Variants in MDN1 observed in about 807,000 individuals in gnomAD.
MDN1 encodes the protein midasin.
MDN1 carries 266 observed loss-of-function variants against 669.2 expected under a neutral mutation model. The ratio of observed to expected loss-of-function variants is 0.40; its 90% CI spans 0.36 to 0.44. The LOEUF (loss-of-function observed/expected upper bound fraction) is 0.44. Among genes scored for constraint, MDN1 ranks in the 20% least tolerant of loss-of-function variants. The pLI is 1.00. For synonymous variants in MDN1, 2,385 were observed against 2,457.1 expected (o/e 0.97, Z 0.87); for missense variants, 5,940 against 6,754.0 (o/e 0.88, Z 4.22).
intron 12 of MDN1, among the ~76,000 whole-genome samples, chr6:89,775,572 G>A (rs781686248): frequency 1.1e-4 from 17 of 152,100 alleles, no homozygotes; most frequent in South Asian, 1.0e-3. Context: ...CCCAAAATAC[G>A]TATTTTGACA....
chr6:89,650,322 G>T, intron 96 of MDN1, 124 bp from the exon 97 acceptor site: 1 of 891,468 alleles, frequency 1.1e-6, no homozygotes, highest in Non-Finnish European at 1.7e-6. Context: ...CTGGCACAAT[G>T]AAGTGTTTCT....
intron 72 of MDN1, among the ~76,000 whole-genome samples, 153 bp downstream of exon 72, chr6:89,683,678 T>G (rs1471147650): frequency 6.6e-6 from 1 of 152,156 alleles, no homozygotes; most frequent in Non-Finnish European, 1.5e-5. Context: ...GGGGGTGGTG[T>G]TGAAAGCAAC....
intron 33 of MDN1, among the ~76,000 whole-genome samples, chr6:89,737,920 C>G (rs767721852): frequency 1.3e-5 from 2 of 152,072 alleles, no homozygotes; most frequent in African/African-American, 4.8e-5. Flanking sequence ...GATGGGTTTT[C>G]GCCATGTTGG....
At chr6:89,755,318 C>A (rs867926200) in intron 20 of MDN1, among the ~76,000 whole-genome samples, 1 of 147,764 alleles carries the variant, frequency 6.8e-6, no homozygotes, top group African/African-American at 2.5e-5. Flanking sequence ...CTAAGGCTGG[C>A]GTATCACTTG....
chr6:89,748,384 ATG>A (rs1816773032), intron 26 of MDN1, among the ~76,000 whole-genome samples: 1 of 152,212 alleles, frequency 6.6e-6, no homozygotes, highest in African/African-American at 2.4e-5. Flanking sequence ...TAGTGAAACA[ATG>A]TGGAACCATA....
chr6:89,808,732 A>G (rs1260911769), intron 1 of MDN1, among the ~76,000 whole-genome samples: 3 of 152,152 alleles, frequency 2.0e-5, no homozygotes, highest in Non-Finnish European at 2.9e-5. Flanking sequence ...AGTCAGTCCT[A>G]TAAGTGATTC....
At position 89,650,140 on chromosome 6, in the gene MDN1, T is replaced by G. The variant is rs1584082788; in HGVS notation, c.16090A>C (p.Ser5364Arg). 1 of 1,614,212 alleles carries G rather than the reference T, an allele frequency of 6.2e-7. No homozygotes were observed. Among genetic ancestry groups the G allele is most frequent in the Non-Finnish European group, 8.5e-7 (1 of 1,180,042 alleles). Residue 5364 changes from serine to arginine, a missense_variant, in exon 97 of 102, where the codon AGT becomes CGT. Ser to Arg is a moderately radical substitution (Grantham distance 110, BLOSUM62 -1). Around this residue, in one of 5 missense-constraint regions of MDN1, gnomAD observed 2,280 missense variants for 2,576.3 expected, o/e 0.88. Coordinates refer to ENST00000369393, the MANE Select transcript of MDN1 (RefSeq NM_014611.3). ...NIRKVIPYIASQFRKDKIWLR... is the reference protein window; with the variant it reads ...NIRKVIPYIARQFRKDKIWLR... ...CAAATCTTGTCTTTCCGAAATTGAC[T>G]AGCAATGTATGGAATGACTTTCCGT...
intron 18 of MDN1, 76 bp from the exon 19 acceptor site, chr6:89,758,427 T>C: frequency 8.4e-7 from 1 of 1,187,324 alleles, no homozygotes; most frequent in Non-Finnish European, 1.2e-6. Context: ...CCAGCCAGCC[T>C]GATGCTGGCT....
intron 101 of MDN1, 130 bp downstream of exon 101, chr6:89,644,885 C>T: frequency 2.0e-6 from 2 of 1,004,720 alleles, no homozygotes; most frequent in East Asian, 4.9e-5. Flanking sequence ...TACAATGGTA[C>T]TTGACAGAAT....
intron 3 of MDN1, 44 bp downstream of exon 3, chr6:89,794,533 C>T: frequency 6.4e-7 from 1 of 1,553,132 alleles, no homozygotes; most frequent in Non-Finnish European, 8.9e-7. Context: ...ATGCCCTGTA[C>T]CATCCCCACA....
intron 73 of MDN1, among the ~76,000 whole-genome samples, chr6:89,682,437 G>A (rs564429455): frequency 2.1e-4 from 32 of 152,212 alleles, no homozygotes; most frequent in African/African-American, 4.6e-4. Context: ...GGCCAGGAGC[G>A]GTGGCTCCCG....
At position 89,650,056 on chromosome 6, in the gene MDN1, A is replaced by T. The variant is rs144980322; in HGVS notation, c.16174T>A (p.Ser5392Thr). The change falls in exon 97 of 102, where the codon TCT (serine) becomes ACT (threonine). Residue 5392 changes from serine (S) to threonine (T), a missense_variant. By Grantham distance (58) the Ser-to-Thr change is moderately conservative. Around this residue, in one of 5 missense-constraint regions of MDN1, gnomAD observed 2,280 missense variants for 2,576.3 expected, o/e 0.88. Coordinates refer to ENST00000369393, the MANE Select transcript of MDN1 (RefSeq NM_014611.3). ...QYQICLAIDD[S>T]SSMVDNHTKQ... ...GTATGATTGTCTACCATACTAGAAG[A>T]GTCATCGATAGCCAAACAAATCTGA... 10 of 1,614,130 alleles carry T rather than the reference A, an allele frequency of 6.2e-6. No individual in the cohort carries two copies. Among genetic ancestry groups the T allele is most frequent in the Non-Finnish European group, 8.5e-6 (10 of 1,180,014 alleles).
intron 12 of MDN1, among the ~76,000 whole-genome samples, chr6:89,775,890 T>G (rs1220765873): frequency 6.6e-6 from 1 of 152,026 alleles, no homozygotes; most frequent in African/African-American, 2.4e-5. Flanking sequence ...GGTTTCACAG[T>G]GTTGGCCAGG....
At chr6:89,760,612 TATATATAC>T (rs1373874789) in intron 17 of MDN1, among the ~76,000 whole-genome samples, 3 of 152,162 alleles carry the variant, frequency 2.0e-5, no homozygotes, top group Admixed American at 6.6e-5. Context: ...GAAAATGTTG[TATATATAC>T]ATATATACAA....
intron 84 of MDN1, 29 bp downstream of exon 84, chr6:89,667,985 G>A: frequency 6.2e-7 from 1 of 1,607,618 alleles, no homozygotes; most frequent in Non-Finnish European, 8.5e-7. Flanking sequence ...GTGATCTTCT[G>A]TCAACTGTAT....
chr6:89,692,369 CT>C, intron 63 of MDN1, 73 bp downstream of exon 63: 1 of 1,378,504 alleles, frequency 7.3e-7, no homozygotes, highest in Non-Finnish European at 9.8e-7. Flanking sequence ...TGCTAATGTC[CT>C]GCAGGCCGCC....
intron 2 of MDN1, among the ~76,000 whole-genome samples, chr6:89,800,816 A>T (rs1767603788): frequency 6.6e-6 from 1 of 152,082 alleles, no homozygotes; most frequent in South Asian, 2.1e-4. Flanking sequence ...TGTGGGACTG[A>T]ATCTTTAACC....
rs775895252 is a variant in MDN1, at chr6:89,650,043, A to G, written c.16187T>C (p.Val5396Ala). ...CCTTACCTGCTTGGTATGATTGTCT[A>G]CCATACTAGAAGAGTCATCGATAGC... ...CLAIDDSSSM[V>A]DNHTKQLAFE... The change falls in exon 97 of 102, where the codon GTA becomes GCA. Residue 5396 changes from valine to alanine, a missense_variant. Transcript: ENST00000369393. 1.5e-5 allele frequency: 24 copies of G among 1,614,018 alleles called. No homozygotes were observed. The African/African-American group carries it at 2.0e-4, about 13-fold the overall frequency.
At chr6:89,777,288 A>C (rs1452191680) in intron 11 of MDN1, among the ~76,000 whole-genome samples, 1 of 152,204 alleles carries the variant, frequency 6.6e-6, no homozygotes, top group African/African-American at 2.4e-5. Context: ...AAAACAATGT[A>C]AAGGACACCA....
Sources: gnomAD v4.1 joint callset for allele counts (sites outside exome capture counted in the v4.1 genomes callset) on GRCh38, gnomAD v4.1.1 for gene constraint, gnomAD v4.1.1 regional missense constraint, MANE v1.5 for transcripts, NCBI Gene and HGNC (gene_info 2026-07-23, HGNC 2026-07-21) for gene names.